The following DLGAP2 variants were observed in gnomAD, a reference collection of about 807,000 sequenced individuals.
DLGAP2 encodes the protein DLG associated protein 2.
Under a neutral mutation model 100.3 loss-of-function variants are expected in DLGAP2, and 26 were observed. The ratio of observed to expected loss-of-function variants is 0.26; its 90% confidence interval spans 0.19 to 0.36. DLGAP2 has a LOEUF of 0.36. DLGAP2 is among the 10% of genes least tolerant of loss of function. DLGAP2 has a pLI of 1.00. For missense variants in DLGAP2, 1,858 were observed against 1,453.2 expected, an observed-to-expected ratio of 1.28 and a Z score of -4.53; for synonymous variants, 886 against 630.1, an observed-to-expected ratio of 1.41 and a Z score of -6.08.
intron 3 of DLGAP2, chr8:1,378,009 C>T (rs979679241): frequency 6.5e-6 from 1 of 153,030 alleles, no homozygotes; most frequent in Non-Finnish European, 1.5e-5. Flanking sequence ...CTTGGTCCCT[C>T]TCAGCAGCCA....
intron 2 of DLGAP2, among the ~76,000 whole-genome samples, chr8:1,106,862 A>G (rs909209464): frequency 1.3e-5 from 2 of 152,182 alleles, no homozygotes; most frequent in African/African-American, 2.4e-5. Flanking sequence ...TTCAAAAGCA[A>G]ATTATCAAAT....
chr8:986,673 T>G (rs557425833), intron 2 of DLGAP2, among the ~76,000 whole-genome samples: 1 of 151,834 alleles, frequency 6.6e-6, no homozygotes, highest in East Asian at 1.9e-4. Flanking sequence ...TTTTTTTTTT[T>G]TTTTGAGACA....
intron 4 of DLGAP2, among the ~76,000 whole-genome samples, chr8:1,543,038 C>A (rs944827327): frequency 1.3e-5 from 2 of 152,120 alleles, no homozygotes; most frequent in Non-Finnish European, 2.9e-5. Flanking sequence ...CTCCTATGCC[C>A]ATTATTATTT....
intron 2 of DLGAP2, among the ~76,000 whole-genome samples, chr8:1,179,321 G>T (rs765191789): frequency 6.6e-6 from 1 of 152,248 alleles, no homozygotes; most frequent in Non-Finnish European, 1.5e-5. Flanking sequence ...ATTTTCGCCT[G>T]TGCCAAGGTG....
At position 1,486,486 on chromosome 8, in the gene DLGAP2, C is replaced by T. The variant is rs559618636; in HGVS notation, c.107-14880C>T. 3.3e-5 allele frequency among the ~76,000 whole-genome samples: 5 copies of T among 152,236 alleles called. No homozygotes were observed. The East Asian group carries it at 9.7e-4, about 29-fold the overall frequency. On this transcript the variant is annotated intron_variant, in intron 3 of 14. Coordinates refer to ENST00000637795, the MANE Select transcript of DLGAP2 (RefSeq NM_001346810.2). ...TTCCACAGGCTCTGAAAGTAGTTTGCCTTGGAGAGGGGAAAGACCCCCTAT... is the reference window on the plus strand; with the variant it reads ...TTCCACAGGCTCTGAAAGTAGTTTGTCTTGGAGAGGGGAAAGACCCCCTAT...
At chr8:1,329,644 C>T (rs1264490464) in intron 3 of DLGAP2, among the ~76,000 whole-genome samples, 2 of 152,044 alleles carry the variant, frequency 1.3e-5, no homozygotes, top group Non-Finnish European at 2.9e-5. Context: ...GAACATGGGC[C>T]CTAAGTGAGG....
intron 3 of DLGAP2, among the ~76,000 whole-genome samples, chr8:1,448,867 C>G (rs1798057592): frequency 6.6e-6 from 1 of 152,198 alleles, no homozygotes; most frequent in Non-Finnish European, 1.5e-5. Flanking sequence ...AATGTTGATC[C>G]TGACCCATAA....
chr8:763,852 C>T (rs116119945), intron 1 of DLGAP2, among the ~76,000 whole-genome samples: 2 of 152,200 alleles, frequency 1.3e-5, no homozygotes, highest in African/African-American at 4.8e-5. Context: ...TAACTGCAGT[C>T]TTGACTCATA....
At chr8:1,208,459 G>A (rs553183582) in intron 2 of DLGAP2, among the ~76,000 whole-genome samples, 45 of 152,282 alleles carry the variant, frequency 3.0e-4, no homozygotes, top group African/African-American at 1.0e-3. Context: ...AGCAGAATTG[G>A]CATAGAAGGG....
intron 4 of DLGAP2, among the ~76,000 whole-genome samples, chr8:1,504,159 T>C (rs1799821608): frequency 6.6e-6 from 1 of 151,400 alleles, no homozygotes; most frequent in African/African-American, 2.5e-5. Flanking sequence ...TGTATTTGTC[T>C]GAGAAAGGAC....
chr8:1,349,827 T>C (rs1378288440), intron 3 of DLGAP2, among the ~76,000 whole-genome samples: 1 of 152,266 alleles, frequency 6.6e-6, no homozygotes, highest in African/African-American at 2.4e-5. Flanking sequence ...TGAATTGCTC[T>C]AACAACTTTT....
intron 3 of DLGAP2, among the ~76,000 whole-genome samples, chr8:1,295,554 C>T (rs1021590454): frequency 1.3e-5 from 2 of 152,210 alleles, no homozygotes; most frequent in African/African-American, 4.8e-5. Context: ...GGAAGGGGCT[C>T]TGGTCAGCCC....
intron 3 of DLGAP2, among the ~76,000 whole-genome samples, chr8:1,346,973 CAG>C (rs1801575285): frequency 6.6e-6 from 1 of 151,718 alleles, no homozygotes; most frequent in African/African-American, 2.4e-5. Context: ...AGTTCCCATA[CAG>C]AGCTGCATTG....
chr8:843,037 G>C (rs1435538395), intron 1 of DLGAP2, among the ~76,000 whole-genome samples: 1 of 152,196 alleles, frequency 6.6e-6, no homozygotes, highest in Admixed American at 6.5e-5. Flanking sequence ...CCTCTGGCGG[G>C]CTTTCGTTGT....
At chr8:1,083,711 C>T (rs1002506934) in intron 2 of DLGAP2, among the ~76,000 whole-genome samples, 4 of 152,126 alleles carry the variant, frequency 2.6e-5, no homozygotes, top group Non-Finnish European at 5.9e-5. Flanking sequence ...CAAAGTAGAT[C>T]ATTTGAAAGC....
intron 3 of DLGAP2, among the ~76,000 whole-genome samples, chr8:1,470,734 CCCTTCCCCGACT>C (rs142359256): frequency 0.93 from 63,319 of 67,926 alleles, 29,366 homozygotes; most frequent in Middle Eastern, 0.96. Context: ...CCACGGCCTC[CCCTTCCCCGACT>C]CCTTCCCCGA....
chr8:1,381,782 A>ATGT (rs553891390), intron 3 of DLGAP2, among the ~76,000 whole-genome samples: 2 of 141,790 alleles, frequency 1.4e-5, no homozygotes, highest in African/African-American at 5.3e-5. Flanking sequence ...GGGTTATTCT[A>ATGT]GTGTGTGTGT....
At chr8:1,387,177 G>A (rs1384832861) in intron 3 of DLGAP2, among the ~76,000 whole-genome samples, 2 of 152,216 alleles carry the variant, frequency 1.3e-5, no homozygotes, top group Non-Finnish European at 2.9e-5. Context: ...ACAGCCGGAG[G>A]AGGTGAGGGC....
chr8:1,387,047 A>G (rs771410568), intron 3 of DLGAP2, among the ~76,000 whole-genome samples: 2 of 152,212 alleles, frequency 1.3e-5, no homozygotes, highest in Non-Finnish European at 1.5e-5. Context: ...GGTAAGCCAG[A>G]AAAGAGGGGA....
Sources: allele counts gnomAD v4.1 joint callset (sites outside exome capture counted in the v4.1 genomes callset), GRCh38; gene constraint gnomAD v4.1.1; transcripts MANE v1.5; gene names NCBI Gene and HGNC (gene_info 2026-07-23, HGNC 2026-07-21).